The following DPYSL2 variants were observed in gnomAD, a reference collection of about 807,000 sequenced individuals.
DPYSL2 encodes dihydropyrimidinase-related protein 2.
Under a neutral mutation model 69.9 loss-of-function variants are expected in DPYSL2, and 13 were observed. The observed-to-expected ratio is 0.19, with a 90% confidence interval of 0.12 to 0.30. The LOEUF is 0.30. DPYSL2 is among the 10% of genes least tolerant of loss of function. The pLI, the probability that DPYSL2 is intolerant of heterozygous loss-of-function variation, is 1.00. For missense variants in DPYSL2, 587 were observed against 918.9 expected (o/e 0.64, Z 4.67); for synonymous variants, 326 against 359.1 (o/e 0.91, Z 1.04).
At chr8:26,603,267 G>A (rs1362098985) in intron 3 of DPYSL2, among the ~76,000 whole-genome samples, 1 of 152,058 alleles carries the variant, frequency 6.6e-6, no homozygotes, top group Non-Finnish European at 1.5e-5. Context: ...CCACCTCCCG[G>A]GTTCAAGCGA....
chr8:26,583,741 G>A, intron 2 of DPYSL2, 58 bp from the exon 3 acceptor site: 6 of 1,496,528 alleles, frequency 4.0e-6, no homozygotes, highest in Non-Finnish European at 5.5e-6. Flanking sequence ...GTAGCTGTCA[G>A]ATCCCATTTG....
chr8:26,644,789 C>G lies in DPYSL2; in HGVS notation c.1425+698C>G, dbSNP rs760928389. 6.6e-6 allele frequency among the ~76,000 whole-genome samples: 1 copy of G among 152,098 alleles called. No individual in the cohort carries two copies. Among genetic ancestry groups the G allele is most frequent in the Admixed American group, 6.6e-5 (1 of 15,258 alleles). On this transcript the variant is annotated intron_variant, in intron 10 of 13. Transcript: ENST00000521913. The surrounding 1 kb of genome is among the most constrained non-coding windows in gnomAD (Gnocchi z 4.5). ...CCTTAAAAGTGTCTTTTAGGGCTCT[C>G]TGGACTTAGCATGTCTTCTACTGCC... is the stretch of plus-strand genomic sequence containing the variant.
chr8:26,633,878 CAG>C lies in DPYSL2; in HGVS notation c.1006-901_1006-900del, dbSNP rs1802839227. On this transcript the variant is annotated intron_variant, in intron 7 of 13. Coordinates refer to ENST00000521913, the MANE Select transcript of DPYSL2 (RefSeq NM_001197293.3). ...GCTGGCCATGTCTGTGCTTCACACA[CAG>C]GGGGCCATTGGTGTAGACAAACGGG... Among the ~76,000 whole-genome samples the C allele has an allele frequency of 2.0e-5, 3 of 152,372 alleles. No individual in the cohort carries two copies. The South Asian group carries it at 6.2e-4, about 32-fold the overall frequency.
At position 26,582,002 on chromosome 8, in the gene DPYSL2, G is replaced by A; in HGVS notation, c.388G>A (p.Val130Ile). 1 of 1,614,012 alleles carries A rather than the reference G, an allele frequency of 6.2e-7. No homozygotes were observed. Among genetic ancestry groups the A allele is most frequent in the Non-Finnish European group, 8.5e-7 (1 of 1,180,020 alleles). Reference protein sequence around the residue: ...DRLLIKGGKIVNDDQSFYADI... With the variant: ...DRLLIKGGKIINDDQSFYADI... ...TCTTCTGATCAAAGGAGGTAAAATT[G>A]TTAATGATGACCAGTCGTTCTATGC... is the stretch of plus-strand genomic sequence containing the variant. The change falls in exon 2 of 14, where the codon GTT becomes ATT. Residue 130 changes from valine (V) to isoleucine (I), a missense_variant. Around this residue, in one of 3 missense-constraint regions of DPYSL2, gnomAD observed 452 missense variants for 754.3 expected, o/e 0.60. Coordinates refer to ENST00000521913, the MANE Select transcript of DPYSL2 (RefSeq NM_001197293.3). This position sits in a 1 kb window ranked among gnomAD's most constrained non-coding sequence, Gnocchi z 4.1.
intron 1 of DPYSL2, among the ~76,000 whole-genome samples, chr8:26,574,343 A>G (rs1480784981): frequency 6.6e-6 from 1 of 152,084 alleles, no homozygotes; most frequent in African/African-American, 2.4e-5. Context: ...CAGGGAGGGG[A>G]GTTGAAGCTG....
intron 3 of DPYSL2, among the ~76,000 whole-genome samples, chr8:26,603,949 T>C (rs1266424229): frequency 1.3e-5 from 2 of 152,156 alleles, no homozygotes; most frequent in African/African-American, 2.4e-5. Context: ...TGAACATGAG[T>C]GTGCAAATAT....
At position 26,655,713 on chromosome 8, in the gene DPYSL2, T is replaced by A; in HGVS notation, c.*7T>A. On this transcript the variant is annotated 3_prime_UTR_variant, in exon 14 of 14. Transcript: ENST00000521913. ...CATCACCAGCCTGGGCTAGAGCTCC[T>A]GGGCTGTGCCGTCCACTGGGGACTG... 1 of 1,597,192 alleles carries A rather than the reference T, an allele frequency of 6.3e-7. No individual in the cohort carries two copies.
chr8:26,655,302 G>A (rs1803359771), intron 13 of DPYSL2, among the ~76,000 whole-genome samples: 1 of 152,020 alleles, frequency 6.6e-6, no homozygotes, highest in African/African-American at 2.4e-5. Context: ...TTTGAGACCA[G>A]CGTCAGCAAC....
At chr8:26,577,584 C>T (rs2129712846) in intron 1 of DPYSL2, among the ~76,000 whole-genome samples, 1 of 149,732 alleles carries the variant, frequency 6.7e-6, no homozygotes, top group East Asian at 2.0e-4. Context: ...GCCCCGAAGC[C>T]CCGCCGTCTC....
At chr8:26,579,160 C>T (rs1304556944) in intron 1 of DPYSL2, among the ~76,000 whole-genome samples, 3 of 152,252 alleles carry the variant, frequency 2.0e-5, no homozygotes, top group African/African-American at 4.8e-5. Context: ...GCAGATGGCC[C>T]GGCCCCGGCC....
intron 1 of DPYSL2, among the ~76,000 whole-genome samples, chr8:26,570,742 A>G (rs1801223935): frequency 8.1e-5 from 1 of 12,392 alleles, no homozygotes; most frequent in African/African-American, 2.2e-4. Context: ...TTAGAAAAGG[A>G]AAAAAAAAAA....
rs1491539651 is a variant in DPYSL2 at position 26,556,240 on chromosome 8, A to AGTAT, written c.355-25729_355-25728insGTAT. ...TATATAGTATATATAGTATTTATATAATATATATAGTATATATATACTATA... is the reference window on the plus strand; with the variant it reads ...TATATAGTATATATAGTATTTATATAGTATATATATATAGTATATATATACTATA... On this transcript the variant is annotated intron_variant, in intron 1 of 13. Coordinates refer to ENST00000521913, the MANE Select transcript of DPYSL2 (RefSeq NM_001197293.3). Among the ~76,000 whole-genome samples the AGTAT allele has an allele frequency of 4.8e-4, 3 of 6,278 alleles. 1 individual carries two copies. Among genetic ancestry groups the AGTAT allele is most frequent in the African/African-American group, 1.2e-3 (3 of 2,560 alleles). 4.1% of individuals were successfully genotyped at this position (6,278 alleles called of 152,430 possible). A position where few individuals can be genotyped will look rare whatever the true frequency, so the allele number is the denominator to read the frequency against.
At chr8:26,599,784 T>C (rs557317177) in intron 3 of DPYSL2, among the ~76,000 whole-genome samples, 1 of 152,154 alleles carries the variant, frequency 6.6e-6, no homozygotes, top group African/African-American at 2.4e-5. Flanking sequence ...ACCCTCAGAT[T>C]CACTCTCTGA....
intron 1 of DPYSL2, among the ~76,000 whole-genome samples, chr8:26,574,079 T>A (rs1319332218): frequency 1.3e-5 from 2 of 151,908 alleles, no homozygotes; most frequent in Non-Finnish European, 2.9e-5. Flanking sequence ...ATGGAAGAAA[T>A]GTGCAAGTCA....
intron 1 of DPYSL2, among the ~76,000 whole-genome samples, chr8:26,540,245 C>T (rs1483409614): frequency 6.7e-6 from 1 of 149,988 alleles, no homozygotes; most frequent in African/African-American, 2.4e-5. Flanking sequence ...TAAACAGCTT[C>T]AACAGTAGAC....
intron 3 of DPYSL2, among the ~76,000 whole-genome samples, chr8:26,607,209 G>A (rs1020529179): frequency 2.0e-5 from 3 of 152,178 alleles, no homozygotes; most frequent in South Asian, 2.1e-4. Context: ...TTTGGGGGCC[G>A]GGTGGTGCCT....
At chr8:26,618,999 A>G (rs1041017601) in intron 3 of DPYSL2, among the ~76,000 whole-genome samples, 6 of 152,086 alleles carry the variant, frequency 3.9e-5, no homozygotes, top group African/African-American at 1.4e-4. Flanking sequence ...GGAGGTTCCA[A>G]AAGGCTAAAC....
intron 1 of DPYSL2, among the ~76,000 whole-genome samples, chr8:26,524,582 G>A (rs1320740704): frequency 6.6e-6 from 1 of 151,986 alleles, no homozygotes; most frequent in Non-Finnish European, 1.5e-5. Flanking sequence ...CGGATCACCT[G>A]AGGTCAGGAG....
intron 1 of DPYSL2, among the ~76,000 whole-genome samples, chr8:26,579,162 G>GC (rs929105997): frequency 4.6e-5 from 7 of 152,388 alleles, no homozygotes; most frequent in African/African-American, 1.7e-4. Context: ...AGATGGCCCG[G>GC]CCCCGGCCAG....
Sources: gnomAD v4.1 joint callset for allele counts (sites outside exome capture counted in the v4.1 genomes callset) on GRCh38, gnomAD v4.1.1 for gene constraint, gnomAD v4.1.1 regional missense constraint, Gnocchi (gnomAD v3.1) non-coding constraint, MANE v1.5 for transcripts, NCBI Gene and HGNC (gene_info 2026-07-23, HGNC 2026-07-21) for gene names.